Variants in SPMIP9 observed in about 807,000 individuals in gnomAD.
The protein encoded by SPMIP9 is protein SPMIP9.
At chr2:88,525,703 G>A in the SPMIP9 span, 440 of 1,613,454 alleles carry the variant, frequency 2.7e-4, 1 homozygote, top group African/African-American at 5.0e-3. Flanking sequence ...CCCCTGTGAC[G>A]GTCTCAGGGT....
chr2:88,528,032 A>G, the SPMIP9 span, among the ~76,000 whole-genome samples: 28 of 151,642 alleles, frequency 1.8e-4, no homozygotes, highest in Non-Finnish European at 2.9e-4. Flanking sequence ...GAGATTTGCT[A>G]TTTTATAAAA....
chr2:88,529,106 A>G, the SPMIP9 span: 2 of 1,614,094 alleles, frequency 1.2e-6, no homozygotes, highest in Non-Finnish European at 1.7e-6. Flanking sequence ...GCCCATCCCT[A>G]ACCCCAACCC....
chr2:88,529,079 G>T, the SPMIP9 span: 1 of 1,613,592 alleles, frequency 6.2e-7, no homozygotes, highest in South Asian at 1.1e-5. Context: ...TCAACTCCGG[G>T]ACAAAGAGTT....
the SPMIP9 span, among the ~76,000 whole-genome samples, chr2:88,528,059 T>G: frequency 6.6e-6 from 1 of 152,180 alleles, no homozygotes; most frequent in Non-Finnish European, 1.5e-5. Context: ...TTTATGTCTT[T>G]TGCTCATTTT....
chr2:88,525,770 C>G, the SPMIP9 span: 1 of 1,207,108 alleles, frequency 8.3e-7, no homozygotes, highest in Non-Finnish European at 1.2e-6. Flanking sequence ...GCTCATCTTT[C>G]TGTAATGATA....
the SPMIP9 span, chr2:88,525,736 G>C: frequency 6.6e-7 from 1 of 1,523,730 alleles, no homozygotes; most frequent in Non-Finnish European, 9.1e-7. Flanking sequence ...GCAAGGCCCT[G>C]GAAGGGCCAG....
chr2:88,527,350 C>T, the SPMIP9 span, among the ~76,000 whole-genome samples: 1 of 152,086 alleles, frequency 6.6e-6, no homozygotes, highest in Non-Finnish European at 1.5e-5. Flanking sequence ...AAAAATTAGC[C>T]TGGCTTGTTG....
At chr2:88,526,664 G>A in the SPMIP9 span, among the ~76,000 whole-genome samples, 1 of 145,422 alleles carries the variant, frequency 6.9e-6, no homozygotes, top group South Asian at 2.3e-4. Flanking sequence ...GTATGTGTGT[G>A]TATTTTTTTT....
chr2:88,529,433 A>G, the SPMIP9 span: 2 of 1,613,940 alleles, frequency 1.2e-6, no homozygotes, highest in Non-Finnish European at 1.7e-6. Context: ...CAAGGTCCCC[A>G]TCTTGAACCG....
chr2:88,529,055 G>A, the SPMIP9 span: 2 of 1,609,450 alleles, frequency 1.2e-6, no homozygotes, highest in African/African-American at 1.3e-5. Flanking sequence ...TCCACAGCAG[G>A]CAAAGCTCGA....
chr2:88,528,138 CTTTT>C, the SPMIP9 span, among the ~76,000 whole-genome samples: 2 of 135,512 alleles, frequency 1.5e-5, no homozygotes, highest in African/African-American at 2.7e-5. Context: ...AGCATTTTCC[CTTTT>C]TTTTTTTTTT....
At chr2:88,526,450 T>G in the SPMIP9 span, 1 of 1,614,130 alleles carries the variant, frequency 6.2e-7, no homozygotes, top group Admixed American at 1.7e-5. Context: ...CATGGTCGAC[T>G]ATCAGCCCTA....
chr2:88,526,569 T>G, the SPMIP9 span: 1 of 1,205,222 alleles, frequency 8.3e-7, no homozygotes, highest in South Asian at 1.2e-5. Context: ...TCATTTGTAT[T>G]ACAAATGTGG....
the SPMIP9 span, chr2:88,525,589 T>C: frequency 3.7e-5 from 60 of 1,612,130 alleles, no homozygotes; most frequent in Admixed American, 8.3e-5. Context: ...GTGGCTACTT[T>C]CCTTGTCTGT....
chr2:88,525,694 C>T, the SPMIP9 span: 1 of 1,614,004 alleles, frequency 6.2e-7, no homozygotes, highest in South Asian at 1.1e-5. Context: ...GGTTTCTGTC[C>T]CCTGTGACGG....
chr2:88,527,955 T>C, the SPMIP9 span, among the ~76,000 whole-genome samples: 1 of 152,204 alleles, frequency 6.6e-6, no homozygotes, highest in African/African-American at 2.4e-5. Context: ...TGCAAAATCA[T>C]ATTTTCCTGT....
the SPMIP9 span, chr2:88,526,544 A>T: frequency 7.0e-7 from 1 of 1,419,124 alleles, no homozygotes; most frequent in Non-Finnish European, 1.0e-6. Flanking sequence ...GCCTACTGAA[A>T]TCCTCTCTGT....
the SPMIP9 span, among the ~76,000 whole-genome samples, chr2:88,524,978 G>A: frequency 1.3e-5 from 2 of 152,166 alleles, no homozygotes; most frequent in African/African-American, 2.4e-5. Flanking sequence ...GGCTGGAAGG[G>A]AGGGGTCAGT....
the SPMIP9 span, among the ~76,000 whole-genome samples, chr2:88,526,195 G>A: frequency 1.3e-5 from 2 of 152,180 alleles, no homozygotes; most frequent in African/African-American, 4.8e-5. Context: ...GCACATGCCA[G>A]GCCCATGCAA....
Sources: gnomAD v4.1 joint callset for allele counts (sites outside exome capture counted in the v4.1 genomes callset) on GRCh38, gnomAD v4.1.1 for gene constraint, MANE v1.5 for transcripts, NCBI Gene and HGNC (gene_info 2026-07-23, HGNC 2026-07-21) for gene names.